CSMD1: variants seen among roughly 807,000 people sequenced by gnomAD.
The protein encoded by CSMD1 is CUB and sushi domain-containing protein 1.
CSMD1 carries 213 observed loss-of-function variants against 417.5 expected under a neutral mutation model. The observed-to-expected ratio is 0.51, with a 90% CI of 0.46 to 0.57. The LOEUF (loss-of-function observed/expected upper bound fraction) is 0.57, where lower values mean the gene tolerates loss of function less well. CSMD1 is among the 20% of genes least tolerant of loss of function. CSMD1 has a pLI of 0.00. For missense variants in CSMD1, 6,923 were observed against 4,529.7 expected, an observed-to-expected ratio of 1.53 and a Z score of -15.17; for synonymous variants, 2,862 against 1,736.8, an observed-to-expected ratio of 1.65 and a Z score of -16.11.
intron 1 of CSMD1, among the ~76,000 whole-genome samples, chr8:4,774,850 G>A (rs896704333): frequency 1.3e-5 from 2 of 152,094 alleles, no homozygotes; most frequent in African/African-American, 4.8e-5. Context: ...GTGAAGTGTT[G>A]ATTCCTTGTT....
chr8:3,863,432 G>A (rs1005833548), intron 5 of CSMD1, among the ~76,000 whole-genome samples: 2 of 148,976 alleles, frequency 1.3e-5, no homozygotes, highest in Non-Finnish European at 3.0e-5. Flanking sequence ...TACCATTCAT[G>A]TGGGTAGAAT....
intron 3 of CSMD1, among the ~76,000 whole-genome samples, chr8:4,284,002 G>T (rs1398738920): frequency 6.6e-6 from 1 of 151,960 alleles, no homozygotes; most frequent in Non-Finnish European, 1.5e-5. Flanking sequence ...GGAGGCCGAG[G>T]AAGGTGAATC....
chr8:4,371,875 G>A (rs1013481270), intron 3 of CSMD1, among the ~76,000 whole-genome samples: 1 of 152,230 alleles, frequency 6.6e-6, no homozygotes, highest in Non-Finnish European at 1.5e-5. Flanking sequence ...TACGATTGTG[G>A]ACTGTGGAGG....
At chr8:3,161,403 G>A (rs537228266) in intron 38 of CSMD1, among the ~76,000 whole-genome samples, 2 of 152,186 alleles carry the variant, frequency 1.3e-5, no homozygotes, top group East Asian at 1.9e-4. Flanking sequence ...GATCACCTGA[G>A]GTCAGGAGTT....
intron 2 of CSMD1, among the ~76,000 whole-genome samples, chr8:4,615,059 A>G (rs746085686): frequency 2.0e-5 from 3 of 152,130 alleles, no homozygotes; most frequent in Admixed American, 6.5e-5. Context: ...AAGGCTTCCT[A>G]TTTGTCTCAG....
intron 1 of CSMD1, among the ~76,000 whole-genome samples, chr8:4,892,359 G>A (rs1804176283): frequency 6.6e-6 from 1 of 152,030 alleles, no homozygotes; most frequent in Non-Finnish European, 1.5e-5. Flanking sequence ...CAAGAAAAAT[G>A]GTGTGAACAA....
intron 10 of CSMD1, among the ~76,000 whole-genome samples, chr8:3,545,573 TTTACCATGAAGGCTAC>T (rs1285874710): frequency 2.1e-4 from 32 of 150,750 alleles, no homozygotes; most frequent in African/African-American, 7.7e-4. Flanking sequence ...GAATCCTGTC[TTTACCATGAAGGCTAC>T]TTATCATGGG....
At chr8:3,490,428 T>C (rs1355698191) in intron 11 of CSMD1, among the ~76,000 whole-genome samples, 1 of 152,230 alleles carries the variant, frequency 6.6e-6, no homozygotes, top group East Asian at 1.9e-4. Context: ...AGGCATTACC[T>C]GCCTGCATTT....
chr8:3,554,710 G>A (rs1464933722), intron 10 of CSMD1, among the ~76,000 whole-genome samples: 1 of 152,152 alleles, frequency 6.6e-6, no homozygotes, highest in Admixed American at 6.5e-5. Flanking sequence ...TTGTTAATCA[G>A]AATGTTGAGA....
At chr8:4,386,057 C>T (rs1043541898) in intron 3 of CSMD1, among the ~76,000 whole-genome samples, 3 of 152,154 alleles carry the variant, frequency 2.0e-5, no homozygotes, top group African/African-American at 7.2e-5. Context: ...ATCCTGTCTT[C>T]TCTGTGATAC....
chr8:4,897,362 G>A (rs186588571), intron 1 of CSMD1, among the ~76,000 whole-genome samples: 7 of 152,004 alleles, frequency 4.6e-5, no homozygotes, highest in Non-Finnish European at 5.9e-5. Flanking sequence ...GGCCATGGGC[G>A]AGTGGGGTAC....
At chr8:4,682,003 T>C (rs954796392) in intron 1 of CSMD1, among the ~76,000 whole-genome samples, 20 of 152,142 alleles carry the variant, frequency 1.3e-4, no homozygotes, top group African/African-American at 4.1e-4. Context: ...AAGGTTTATG[T>C]CATTTTATTG....
intron 20 of CSMD1, 110 bp from the exon 21 acceptor site, chr8:3,359,450 T>C (rs1275108058): frequency 3.8e-5 from 29 of 768,568 alleles, no homozygotes; most frequent in Non-Finnish European, 5.8e-5. Flanking sequence ...AAAACCTACA[T>C]ATATATTTTC....
chr8:4,304,095 G>A (rs550395730), intron 3 of CSMD1, among the ~76,000 whole-genome samples: 1 of 152,168 alleles, frequency 6.6e-6, no homozygotes, highest in South Asian at 2.1e-4. Flanking sequence ...CCATTGTGTT[G>A]TCTTATAAAA....
intron 3 of CSMD1, among the ~76,000 whole-genome samples, chr8:4,158,009 G>A (rs996004693): frequency 2.0e-5 from 3 of 151,894 alleles, no homozygotes; most frequent in Admixed American, 6.6e-5. Context: ...CTGCTCAACT[G>A]CCCCCATACA....
At chr8:3,083,610 T>TTTATA (rs1563320333) in intron 49 of CSMD1, among the ~76,000 whole-genome samples, 11 of 30,918 alleles carry the variant, frequency 3.6e-4, no homozygotes, top group South Asian at 1.7e-3. Flanking sequence ...ACCATAATTT[T>TTTATA]TATATATATA....
At chr8:4,268,937 T>A (rs918425619) in intron 3 of CSMD1, among the ~76,000 whole-genome samples, 2 of 152,230 alleles carry the variant, frequency 1.3e-5, no homozygotes, top group African/African-American at 2.4e-5. Flanking sequence ...AGAATTACAA[T>A]TACTTTCTCA....
chr8:4,081,762 C>A (rs1192152083), intron 3 of CSMD1, among the ~76,000 whole-genome samples: 1 of 151,992 alleles, frequency 6.6e-6, no homozygotes, highest in Non-Finnish European at 1.5e-5. Flanking sequence ...TTAAAGACCC[C>A]AAATATCTGG....
intron 4 of CSMD1, among the ~76,000 whole-genome samples, chr8:4,013,449 G>T (rs1281230176): frequency 6.6e-6 from 1 of 152,112 alleles, no homozygotes; most frequent in Non-Finnish European, 1.5e-5. Context: ...CTACTATCAG[G>T]GGGGTTTCCA....
Sources: gnomAD v4.1 joint callset for allele counts (sites outside exome capture counted in the v4.1 genomes callset) on GRCh38, gnomAD v4.1.1 for gene constraint, MANE v1.5 for transcripts, NCBI Gene and HGNC (gene_info 2026-07-23, HGNC 2026-07-21) for gene names.